The following MYO1E variants were observed in gnomAD, a reference collection of about 807,000 sequenced individuals.
MYO1E encodes the protein myosin IE, also known as unconventional myosin-Ie.
MYO1E carries 68 observed loss-of-function variants against 151.1 expected under a neutral mutation model. That is an observed-to-expected ratio of 0.45 (90% CI 0.37 to 0.55). The LOEUF is 0.55. Among genes scored for constraint, MYO1E ranks in the 20% least tolerant of loss-of-function variants. The pLI is 0.00. For missense variants in MYO1E, 1,363 were observed against 1,389.3 expected, an observed-to-expected ratio of 0.98 and a Z score of 0.30; for synonymous variants, 601 against 501.7, an observed-to-expected ratio of 1.20 and a Z score of -2.64.
intron 10 of MYO1E, among the ~76,000 whole-genome samples, chr15:59,216,526 A>G (rs932021851): frequency 6.6e-6 from 1 of 150,658 alleles, no homozygotes; most frequent in Non-Finnish European, 1.5e-5. Context: ...ACTAATTGTC[A>G]GAATATATAT....
intron 1 of MYO1E, among the ~76,000 whole-genome samples, chr15:59,331,259 A>G (rs2080696398): frequency 6.6e-6 from 1 of 152,218 alleles, no homozygotes; most frequent in Non-Finnish European, 1.5e-5. Flanking sequence ...AAGATGTGAC[A>G]GCAGCCTTGC....
intron 1 of MYO1E, among the ~76,000 whole-genome samples, chr15:59,328,321 G>C (rs2080678386): frequency 6.6e-6 from 1 of 152,138 alleles, no homozygotes; most frequent in Non-Finnish European, 1.5e-5. Flanking sequence ...AGATTCTGCA[G>C]GAGGAAAGAG....
intron 1 of MYO1E, among the ~76,000 whole-genome samples, chr15:59,279,066 A>G (rs191977633): frequency 4.6e-5 from 7 of 152,106 alleles, no homozygotes; most frequent in African/African-American, 1.4e-4. Flanking sequence ...AATATATGTG[A>G]CCATACCACA....
chr15:59,209,430 C>G (rs958977118), intron 13 of MYO1E, among the ~76,000 whole-genome samples: 1 of 143,536 alleles, frequency 7.0e-6, no homozygotes, highest in South Asian at 2.6e-4. Context: ...GTAATCCCAG[C>G]AATTTAGGAG....
intron 1 of MYO1E, among the ~76,000 whole-genome samples, chr15:59,288,807 G>A (rs1197582926): frequency 6.6e-6 from 1 of 152,126 alleles, no homozygotes; most frequent in Non-Finnish European, 1.5e-5. Context: ...ATAGGGATCC[G>A]CCACAGAAAA....
At chr15:59,265,950 G>A (rs1001594395) in intron 2 of MYO1E, among the ~76,000 whole-genome samples, 1 of 151,462 alleles carries the variant, frequency 6.6e-6, no homozygotes, top group Non-Finnish European at 1.5e-5. Flanking sequence ...TTAGGTGACA[G>A]AGCAAATAAA....
chr15:59,276,611 T>C (rs1438632589), intron 1 of MYO1E, among the ~76,000 whole-genome samples: 1 of 152,222 alleles, frequency 6.6e-6, no homozygotes, highest in Non-Finnish European at 1.5e-5. Flanking sequence ...AGTTGATTCA[T>C]GTGCAAGTTC....
chr15:59,281,027 A>C (rs1013619591), intron 1 of MYO1E, among the ~76,000 whole-genome samples: 1 of 152,142 alleles, frequency 6.6e-6, no homozygotes, highest in Non-Finnish European at 1.5e-5. Context: ...AGGGTCCTGG[A>C]TGACAAGCTG....
chr15:59,210,973 G>C (rs2079875138), intron 12 of MYO1E, among the ~76,000 whole-genome samples: 1 of 152,054 alleles, frequency 6.6e-6, no homozygotes, highest in African/African-American at 2.4e-5. Flanking sequence ...AGGCCGAGGT[G>C]GGCGGATCAC....
intron 1 of MYO1E, among the ~76,000 whole-genome samples, chr15:59,314,245 A>G (rs1358156263): frequency 4.6e-5 from 7 of 152,244 alleles, no homozygotes; most frequent in African/African-American, 1.7e-4. Context: ...TCCCCTGAAT[A>G]TGAATGACAA....
At chr15:59,358,810 T>A (rs1326053691) in intron 1 of MYO1E, among the ~76,000 whole-genome samples, 1 of 152,312 alleles carries the variant, frequency 6.6e-6, no homozygotes, top group Admixed American at 6.5e-5. Context: ...ACCATTATGT[T>A]TGATTTTCAA....
intron 1 of MYO1E, among the ~76,000 whole-genome samples, chr15:59,278,199 T>G (rs763781541): frequency 6.6e-6 from 1 of 152,180 alleles, no homozygotes; most frequent in Non-Finnish European, 1.5e-5. Flanking sequence ...AGCCATTTAG[T>G]TGGCCCATGA....
rs1316071347 is a variant in MYO1E at position 59,163,241 on chromosome 15, A to G, written c.2543T>C (p.Val848Ala). Reference sequence around the variant, plus strand: ...GAGGCTTAGGAATTCAGTTTTGAAGACAGATTCAAGCAAACTGTCATACTC... The same window carrying G: ...GAGGCTTAGGAATTCAGTTTTGAAGGCAGATTCAAGCAAACTGTCATACTC... ...EQEYDSLLES[V>A]FKTEFLSLLA... The change falls in exon 23 of 28, where the codon GTC becomes GCC. Residue 848 changes from valine (V) to alanine (A), a missense_variant. By Grantham distance (64) the Val-to-Ala change is moderately conservative. Transcript: ENST00000288235. 6.2e-7 allele frequency: 1 copy of G among 1,614,068 alleles called. No individual in the cohort carries two copies. Among genetic ancestry groups the G allele is most frequent in the Non-Finnish European group, 8.5e-7 (1 of 1,179,896 alleles).
rs181862332 is a variant in MYO1E at position 59,365,284 on chromosome 15, G to T, written c.3+7214C>A. 1.8e-4 allele frequency among the ~76,000 whole-genome samples: 28 copies of T among 152,226 alleles called. No homozygotes were observed. The East Asian group carries it at 5.0e-3, about 27-fold the overall frequency. The stretch of plus-strand genomic sequence containing the variant: ...TCCCTCCACCTCAGCCTTCCAAAGT[G>T]CTGGGATTACGGGCGTTAGCCACCG... On this transcript the variant is annotated intron_variant, in intron 1 of 27. Coordinates refer to ENST00000288235, the MANE Select transcript of MYO1E (RefSeq NM_004998.4).
intron 1 of MYO1E, among the ~76,000 whole-genome samples, chr15:59,339,567 G>T (rs2080750916): frequency 6.6e-6 from 1 of 152,154 alleles, no homozygotes; most frequent in Non-Finnish European, 1.5e-5. Context: ...GGGCATGTTA[G>T]GCTCCCATCC....
chr15:59,171,922 C>G lies in MYO1E; in HGVS notation c.2455G>C (p.Glu819Gln), dbSNP rs754352231. ...KEVLKRKIEI[E>Q]RILSVSLSTM... Reference sequence around the variant, plus strand: ...CTGAGGGACACAGACAAGATCCGTTCTATCTCGATTTTCCGCTTCAGGACT... The same window carrying G: ...CTGAGGGACACAGACAAGATCCGTTGTATCTCGATTTTCCGCTTCAGGACT... The change falls in exon 22 of 28, where the codon GAA becomes CAA. Residue 819 changes from glutamate to glutamine, a missense_variant. Glu to Gln is a conservative substitution (Grantham distance 29). Transcript: ENST00000288235. The G allele has an allele frequency of 1.2e-6, 2 of 1,614,220 alleles. No homozygotes were observed. The highest frequency in any genetic ancestry group is 2.2e-5 in the South Asian group (2 of 91,080).
At chr15:59,222,209 C>T (rs2079960408) in intron 9 of MYO1E, among the ~76,000 whole-genome samples, 1 of 152,180 alleles carries the variant, frequency 6.6e-6, no homozygotes, top group African/African-American at 2.4e-5. Flanking sequence ...ATCCCCACTG[C>T]ATTGTCAGCA....
intron 1 of MYO1E, among the ~76,000 whole-genome samples, chr15:59,286,020 C>T (rs1246311910): frequency 6.6e-6 from 1 of 152,202 alleles, no homozygotes; most frequent in Non-Finnish European, 1.5e-5. Context: ...GCTAGAAACA[C>T]CAGCAGCTGT....
intron 1 of MYO1E, among the ~76,000 whole-genome samples, chr15:59,291,569 C>T (rs544588178): frequency 2.1e-4 from 32 of 150,924 alleles, no homozygotes; most frequent in African/African-American, 6.8e-4. Context: ...GGCGTGGTGG[C>T]TCACACCTGT....
Sources: gnomAD v4.1 joint callset for allele counts (sites outside exome capture counted in the v4.1 genomes callset) on GRCh38, gnomAD v4.1.1 for gene constraint, MANE v1.5 for transcripts, NCBI Gene and HGNC (gene_info 2026-07-23, HGNC 2026-07-21) for gene names.